The following EZH2 variants were observed in gnomAD, a reference collection of about 807,000 sequenced individuals.
EZH2 encodes enhancer of zeste 2 polycomb repressive complex 2 subunit, also known as histone-lysine N-methyltransferase EZH2.
A neutral mutation model predicts 98.4 loss-of-function variants in EZH2; 18 were observed. The observed-to-expected ratio is 0.18, with a 90% CI of 0.13 to 0.27. EZH2 has a LOEUF of 0.27. Ranked by LOEUF, EZH2 falls within the 10% of genes least tolerant of loss-of-function variation. The pLI is 1.00. For synonymous variants in EZH2, 338 were observed against 312.3 expected (o/e 1.08, Z -0.87); for missense variants, 470 against 935.1 (o/e 0.50, Z 6.49).
intron 1 of EZH2, among the ~76,000 whole-genome samples, chr7:148,859,260 C>G (rs1319391481): frequency 2.6e-5 from 4 of 152,136 alleles, no homozygotes; most frequent in Non-Finnish European, 5.9e-5. Flanking sequence ...GATCCCAGCA[C>G]TTTGGGAGGC....
rs771545212 is a variant in EZH2 at position 148,828,723 on chromosome 7, C to G, written c.625+17G>C. On this transcript the variant is annotated intron_variant, in intron 6 of 19. Coordinates refer to ENST00000320356, the MANE Select transcript of EZH2 (RefSeq NM_004456.5). Reference sequence around the variant, plus strand: ...AAAGCTGTAATGGCTACACAGAATCCTAATAATCAGGCATACCATCTCGGT... The same window carrying G: ...AAAGCTGTAATGGCTACACAGAATCGTAATAATCAGGCATACCATCTCGGT... 1 of 1,608,982 alleles carries G rather than the reference C, an allele frequency of 6.2e-7. No individual in the cohort carries two copies. The highest frequency in any genetic ancestry group is 1.7e-5 in the Admixed American group (1 of 58,380).
At chr7:148,847,119 C>G (rs1814361851) in intron 2 of EZH2, 63 bp downstream of exon 2, 1 of 1,539,576 alleles carries the variant, frequency 6.5e-7, no homozygotes, top group Non-Finnish European at 8.7e-7. Context: ...ACTTATTGAA[C>G]TTAGGAGGGG....
chr7:148,862,190 G>A (rs1484612492), intron 1 of EZH2, among the ~76,000 whole-genome samples: 36 of 151,924 alleles, frequency 2.4e-4, no homozygotes, highest in Non-Finnish European at 1.8e-4. Flanking sequence ...AATTGTATCA[G>A]TGAACTTTTC....
intron 1 of EZH2, among the ~76,000 whole-genome samples, chr7:148,856,288 T>C (rs1816821759): frequency 6.6e-6 from 1 of 152,180 alleles, no homozygotes; most frequent in Admixed American, 6.5e-5. Context: ...AAATAAAATG[T>C]AGATAATGTG....
At chr7:148,879,195 A>G (rs943554044) in intron 1 of EZH2, among the ~76,000 whole-genome samples, 16 of 152,092 alleles carry the variant, frequency 1.1e-4, no homozygotes, top group African/African-American at 3.4e-4. Flanking sequence ...ACTGCACTCC[A>G]GCCTGGGCAA....
At chr7:148,879,793 G>C (rs1200305559) in intron 1 of EZH2, among the ~76,000 whole-genome samples, 1 of 151,906 alleles carries the variant, frequency 6.6e-6, no homozygotes, top group African/African-American at 2.4e-5. Flanking sequence ...AATCACTTTC[G>C]AGACTCCGTC....
intron 1 of EZH2, among the ~76,000 whole-genome samples, chr7:148,881,945 A>C (rs1388161354): frequency 1.5e-5 from 2 of 132,226 alleles, no homozygotes; most frequent in African/African-American, 6.0e-5. Flanking sequence ...AAAAAAAAAA[A>C]ACATATACAC....
intron 1 of EZH2, among the ~76,000 whole-genome samples, chr7:148,870,300 C>T (rs1165178580): frequency 6.6e-6 from 1 of 152,086 alleles, no homozygotes; most frequent in Non-Finnish European, 1.5e-5. Context: ...AATAAATTTG[C>T]CAATTTTGCT....
At chr7:148,819,512 A>C (rs1408839191) in intron 9 of EZH2, 84 bp downstream of exon 9, 1 of 1,082,838 alleles carries the variant, frequency 9.2e-7, no homozygotes, top group Non-Finnish European at 1.4e-6. Context: ...GGGTGCAGAC[A>C]ACATTAACGC....
intron 1 of EZH2, among the ~76,000 whole-genome samples, chr7:148,859,651 G>A (rs538356405): frequency 4.2e-4 from 64 of 152,276 alleles, no homozygotes; most frequent in African/African-American, 1.4e-3. Context: ...AGTACTCAGA[G>A]CCCCAGCTGT....
chr7:148,841,335 T>C (rs1212091266), intron 3 of EZH2, among the ~76,000 whole-genome samples: 1 of 152,170 alleles, frequency 6.6e-6, no homozygotes, highest in African/African-American at 2.4e-5. Flanking sequence ...TGCATGGATT[T>C]ACAAGTTATA....
At chr7:148,855,293 C>G (rs1225719401) in intron 1 of EZH2, among the ~76,000 whole-genome samples, 4 of 152,200 alleles carry the variant, frequency 2.6e-5, no homozygotes. Context: ...CTATTTCACA[C>G]CAAATTCCAA....
chr7:148,865,446 G>A (rs1818305666), intron 1 of EZH2, among the ~76,000 whole-genome samples: 1 of 152,190 alleles, frequency 6.6e-6, no homozygotes, highest in Non-Finnish European at 1.5e-5. Flanking sequence ...TTGCCTAAGT[G>A]AGCAAGAGAC....
intron 3 of EZH2, among the ~76,000 whole-genome samples, chr7:148,842,475 G>C (rs1273321308): frequency 1.3e-5 from 2 of 152,138 alleles, no homozygotes; most frequent in Non-Finnish European, 2.9e-5. Flanking sequence ...ACAAGACAAA[G>C]TTATGAAAGT....
intron 1 of EZH2, among the ~76,000 whole-genome samples, chr7:148,881,844 G>T (rs1821003216): frequency 6.6e-6 from 1 of 151,134 alleles, no homozygotes; most frequent in Non-Finnish European, 1.5e-5. Flanking sequence ...TGAGGCAGGG[G>T]AATTCCTTAA....
intron 4 of EZH2, among the ~76,000 whole-genome samples, chr7:148,830,180 T>G (rs556372296): frequency 6.6e-6 from 1 of 152,240 alleles, no homozygotes; most frequent in Middle Eastern, 3.4e-3. Flanking sequence ...ACATCGTCTG[T>G]TTTTCTGTTT....
intron 3 of EZH2, among the ~76,000 whole-genome samples, chr7:148,841,314 A>C (rs1247810988): frequency 2.0e-5 from 3 of 152,168 alleles, no homozygotes; most frequent in Non-Finnish European, 4.4e-5. Flanking sequence ...AGCCAGAAAG[A>C]AAGCAAAGGC....
At chr7:148,809,235 C>T (rs1802385281) in intron 18 of EZH2, 75 bp downstream of exon 18, 1 of 1,587,318 alleles carries the variant, frequency 6.3e-7, no homozygotes, top group South Asian at 1.1e-5. Flanking sequence ...TAACAAACAA[C>T]TATCCCAGAA....
At chr7:148,876,603 C>T (rs1820200854) in intron 1 of EZH2, among the ~76,000 whole-genome samples, 1 of 104,890 alleles carries the variant, frequency 9.5e-6, no homozygotes, top group Non-Finnish European at 2.0e-5. Flanking sequence ...ATGTTCACTT[C>T]TTTTCAGGAG....
Sources: gnomAD v4.1 joint callset for allele counts (sites outside exome capture counted in the v4.1 genomes callset) on GRCh38, gnomAD v4.1.1 for gene constraint, MANE v1.5 for transcripts, NCBI Gene and HGNC (gene_info 2026-07-23, HGNC 2026-07-21) for gene names.